The following IL5RA variants were observed in gnomAD, a reference collection of about 807,000 sequenced individuals.
The protein encoded by IL5RA is interleukin-5 receptor subunit alpha.
A neutral mutation model predicts 50.0 loss-of-function variants in IL5RA; 49 were observed. The ratio of observed to expected loss-of-function variants is 0.98; its 90% CI spans 0.78 to 1.24. IL5RA has a LOEUF of 1.24. Among genes scored for constraint, IL5RA ranks in the 50% most tolerant of loss-of-function variants. IL5RA has a pLI of 0.00. For missense variants in IL5RA, 600 were observed against 500.4 expected (o/e 1.20, Z -1.90); for synonymous variants, 202 against 174.0 (o/e 1.16, Z -1.26).
At position 3,092,419 on chromosome 3, in the gene IL5RA, G is replaced by A. The variant is rs372040683; in HGVS notation, c.856-57C>T. The A allele has an allele frequency of 2.8e-5, 43 of 1,540,274 alleles. No homozygotes were observed. Among genetic ancestry groups the A allele is most frequent in the Admixed American group, 2.0e-4 (12 of 59,134 alleles). On this transcript the variant is annotated intron_variant, in intron 8 of 11. Transcript: ENST00000446632. The surrounding 1 kb of genome is among the most constrained non-coding windows in gnomAD (Gnocchi z 4.2). ...TCTAGACACCTAATTTAGTTCTGCC[G>A]ATTATCAGAATGGGAGGTCCTATAT...
At chr3:3,093,127 G>A (rs1267390496) in intron 8 of IL5RA, among the ~76,000 whole-genome samples, 3 of 152,194 alleles carry the variant, frequency 2.0e-5, no homozygotes, top group East Asian at 3.9e-4. Flanking sequence ...TTTTAAAAAA[G>A]AAGCCACTTC....
intron 7 of IL5RA, among the ~76,000 whole-genome samples, chr3:3,097,320 G>C (rs779336184): frequency 4.6e-5 from 7 of 152,128 alleles, no homozygotes; most frequent in Non-Finnish European, 1.0e-4. Flanking sequence ...GGAGAAGAAG[G>C]GCTTCTGGAT....
intron 2 of IL5RA, among the ~76,000 whole-genome samples, chr3:3,107,398 G>A (rs334784): frequency 0.98 from 149,273 of 152,068 alleles, 73,301 homozygotes; most frequent in East Asian, 1. Flanking sequence ...AACAACAACA[G>A]CAACAACAAA....
At chr3:3,098,937 A>G (rs1703496920) in intron 5 of IL5RA, among the ~76,000 whole-genome samples, 1 of 152,152 alleles carries the variant, frequency 6.6e-6, no homozygotes, top group Non-Finnish European at 1.5e-5. Flanking sequence ...CACATTTGTT[A>G]ATAACTAGCT....
intron 7 of IL5RA, among the ~76,000 whole-genome samples, chr3:3,096,346 C>A (rs968487806): frequency 2.0e-5 from 3 of 151,020 alleles, no homozygotes; most frequent in Non-Finnish European, 4.4e-5. Context: ...ACTTAGGACT[C>A]TAATGTCCTT....
chr3:3,097,792 G>A (rs1703432680), intron 7 of IL5RA, 78 bp downstream of exon 7: 1 of 1,450,086 alleles, frequency 6.9e-7, no homozygotes, highest in Non-Finnish European at 9.4e-7. Flanking sequence ...GTAAAACTAG[G>A]TGATCTTTAT....
At chr3:3,084,016 C>T (rs1001012094) in intron 9 of IL5RA, among the ~76,000 whole-genome samples, 4 of 150,842 alleles carry the variant, frequency 2.7e-5, no homozygotes, top group East Asian at 2.0e-4. Context: ...TGTGTGACTG[C>T]CCTCCAGCCT....
chr3:3,079,668 AG>A (rs1354208277), intron 9 of IL5RA, among the ~76,000 whole-genome samples: 1 of 152,186 alleles, frequency 6.6e-6, no homozygotes, highest in Non-Finnish European at 1.5e-5. Flanking sequence ...CACCTTTTCT[AG>A]CACCACTCAC....
intron 5 of IL5RA, 121 bp downstream of exon 5, chr3:3,101,571 G>T: frequency 1.1e-6 from 1 of 878,618 alleles, no homozygotes; most frequent in Non-Finnish European, 1.7e-6. Context: ...GTTGATATGG[G>T]AGAGTACTTG....
chr3:3,100,168 G>A (rs890746253), intron 5 of IL5RA, among the ~76,000 whole-genome samples: 4 of 122,538 alleles, frequency 3.3e-5, no homozygotes, highest in Admixed American at 8.1e-5. Context: ...AGGAAGGACC[G>A]CATTCAAGTG....
chr3:3,074,868 T>A lies in IL5RA; in HGVS notation c.1092-2A>T. The A allele has an allele frequency of 1.3e-6, 2 of 1,588,058 alleles. No individual in the cohort carries two copies. Among genetic ancestry groups the A allele is most frequent in the Non-Finnish European group, 1.7e-6 (2 of 1,156,420 alleles). On this transcript the variant is annotated splice_acceptor_variant, in intron 10 of 11. Transcript: ENST00000446632. LOFTEE classifies it high-confidence loss of function. ...AACAACTTGATCCATAAATGACATC[T>A]GAAAACAGAGTAAAGAAGGAATTAG...
intron 8 of IL5RA, 62 bp downstream of exon 8, chr3:3,095,237 T>C: frequency 1.5e-6 from 2 of 1,366,896 alleles, no homozygotes; most frequent in Non-Finnish European, 2.0e-6. Context: ...CTGAAGATAA[T>C]TTTTTAAATG....
chr3:3,107,705 A>G (rs553989409), intron 2 of IL5RA, among the ~76,000 whole-genome samples: 94 of 152,294 alleles, frequency 6.2e-4, no homozygotes, highest in Middle Eastern at 3.4e-3. Context: ...CTCATATAAC[A>G]TTTCATTGAG....
rs768741095 is a variant in IL5RA at position 3,074,773 on chromosome 3, C to A, written c.1176+9G>T. On this transcript the variant is annotated intron_variant, in intron 11 of 11. Transcript: ENST00000446632. ...ACATACGGCATATCATAAGAACTTTCAACATTACCTCATAGTTAGTGGTTA... is the reference window on the plus strand; with the variant it reads ...ACATACGGCATATCATAAGAACTTTAAACATTACCTCATAGTTAGTGGTTA... The A allele has an allele frequency of 6.4e-7, 1 of 1,553,004 alleles. No individual in the cohort carries two copies. Among genetic ancestry groups the A allele is most frequent in the Non-Finnish European group, 8.9e-7 (1 of 1,124,508 alleles).
chr3:3,086,732 A>G (rs906770119), intron 9 of IL5RA, among the ~76,000 whole-genome samples: 37 of 152,336 alleles, frequency 2.4e-4, no homozygotes, highest in Middle Eastern at 6.8e-3. Context: ...CTTCCAAAGG[A>G]GAAGTCACTA....
chr3:3,088,192 A>G (rs1702947291), intron 9 of IL5RA, among the ~76,000 whole-genome samples: 1 of 152,220 alleles, frequency 6.6e-6, no homozygotes, highest in African/African-American at 2.4e-5. Context: ...AACAAGCTTA[A>G]AATAAGCGCT....
intron 3 of IL5RA, 31 bp downstream of exon 3, chr3:3,104,872 A>C (rs1391863683): frequency 7.5e-7 from 1 of 1,328,124 alleles, no homozygotes; most frequent in South Asian, 1.2e-5. Context: ...TTTAAAAATA[A>C]ACATTATTGA....
At chr3:3,090,295 A>C in intron 9 of IL5RA, 7 of 1,404,316 alleles carry the variant, frequency 5.0e-6, no homozygotes, top group Non-Finnish European at 6.9e-6. Context: ...GGGGATACAC[A>C]ATCAATCCTT....
At chr3:3,090,175 T>A in intron 9 of IL5RA, 3 of 1,600,608 alleles carry the variant, frequency 1.9e-6, no homozygotes, top group Non-Finnish European at 2.6e-6. Context: ...ACACATGTAA[T>A]CTGCTATCCC....
Sources: gnomAD v4.1 joint callset for allele counts (sites outside exome capture counted in the v4.1 genomes callset) on GRCh38, gnomAD v4.1.1 for gene constraint, Gnocchi (gnomAD v3.1) non-coding constraint, MANE v1.5 for transcripts, NCBI Gene and HGNC (gene_info 2026-07-23, HGNC 2026-07-21) for gene names.